TRARG1: variants seen among roughly 807,000 people sequenced by gnomAD.
TRARG1 encodes trafficking regulator of GLUT4 1.
A neutral mutation model predicts 13.3 loss-of-function variants in TRARG1; 16 were observed. That is an observed-to-expected ratio of 1.20 (90% CI 0.81 to 1.83). The LOEUF (loss-of-function observed/expected upper bound fraction) is 1.83, where lower values mean the gene tolerates loss of function less well. Ranked by LOEUF, TRARG1 falls within the 40% of genes most tolerant of loss-of-function variation. TRARG1 has a pLI of 0.00. For synonymous variants in TRARG1, 113 were observed against 106.2 expected (o/e 1.06, Z -0.39); for missense variants, 250 against 237.4 (o/e 1.05, Z -0.35).
intron 2 of TRARG1, among the ~76,000 whole-genome samples, chr17:1,296,913 G>C (rs1312105712): frequency 6.6e-6 from 1 of 152,104 alleles, no homozygotes; most frequent in Admixed American, 6.6e-5. Context: ...CTAAAGTGCT[G>C]GGATGACAGG....
In TRARG1 at chr17:1,282,222, G is replaced by A. The variant is rs565324429; in HGVS notation, c.387+1834G>A. Among the ~76,000 whole-genome samples the A allele has an allele frequency of 2.4e-3, 278 of 115,264 alleles. 2 individuals are homozygous for A. Among genetic ancestry groups the A allele is most frequent in the African/African-American group, 9.3e-3 (258 of 27,606 alleles). 75.6% of individuals were successfully genotyped at this position (115,264 alleles called of 152,430 possible). A position where few individuals can be genotyped will look rare whatever the true frequency, so the allele number is the denominator to read the frequency against. ...CACGTGCGTATATGTACGTATACAC[G>A]TGCGTATATGTACGTATATGCACGT... On this transcript the variant is annotated intron_variant, in intron 1 of 2. Transcript: ENST00000333813.
chr17:1,296,939 C>T (rs1598196250), intron 2 of TRARG1, among the ~76,000 whole-genome samples: 1 of 152,326 alleles, frequency 6.6e-6, no homozygotes, highest in Admixed American at 6.5e-5. Context: ...GCCACCGCGC[C>T]TGGCCCAGGG....
Position 1,295,474 on chromosome 17 carries a change from CTG to C in TRARG1, c.388-14_388-13del. ...AGCCTTCCCGGTTCCCGGGGTCTCTCTGTGCTCTCTCCGCAGTCTCGAAGCAG... is the reference window on the plus strand; with the variant it reads ...AGCCTTCCCGGTTCCCGGGGTCTCTCTGCTCTCTCCGCAGTCTCGAAGCAG... On this transcript the variant is annotated splice_polypyrimidine_tract_variant and intron_variant, in intron 1 of 2. Coordinates refer to ENST00000333813, the MANE Select transcript of TRARG1 (RefSeq NM_172367.3). 1 of 1,592,094 alleles carries C rather than the reference CTG, an allele frequency of 6.3e-7. No individual in the cohort carries two copies. The highest frequency in any genetic ancestry group is 2.3e-5 in the East Asian group (1 of 44,430).
In TRARG1 at chr17:1,279,936, C is replaced by T. The variant is rs889969514; in HGVS notation, c.-66C>T. ...CCTCAGTCTGGGCTGGGGAATGGCG[C>T]GCTGAGGTCCCTCCAGAGCCCCTTG... On this transcript the variant is annotated 5_prime_UTR_variant, in exon 1 of 3. Transcript: ENST00000333813. 3.1e-5 allele frequency: 47 copies of T among 1,526,838 alleles called. No individual in the cohort carries two copies. The African/African-American group carries it at 5.0e-4, about 16-fold the overall frequency. The allele number at this position is 1,526,838 out of a possible 1,614,324, so 94.6% of individuals were successfully genotyped here. A position where few individuals can be genotyped will look rare whatever the true frequency, so the allele number is the denominator to read the frequency against.
chr17:1,295,055 G>A (rs928581445), intron 1 of TRARG1, among the ~76,000 whole-genome samples: 27 of 152,300 alleles, frequency 1.8e-4, no homozygotes, highest in Admixed American at 1.6e-3. Flanking sequence ...GTGTCAGGCT[G>A]TAGGAAGAGC....
intron 1 of TRARG1, among the ~76,000 whole-genome samples, chr17:1,282,834 C>T (rs191703838): frequency 2.0e-5 from 3 of 151,866 alleles, no homozygotes; most frequent in Admixed American, 6.6e-5. Flanking sequence ...GCATTACAGG[C>T]GCTGGCCACC....
At chr17:1,297,815 G>A (rs1267316746) in intron 2 of TRARG1, among the ~76,000 whole-genome samples, 1 of 152,056 alleles carries the variant, frequency 6.6e-6, no homozygotes, top group Non-Finnish European at 1.5e-5. Flanking sequence ...ACGTTGGTCA[G>A]GCTGGCCTCG....
At chr17:1,295,670 G>A (rs775460027) in intron 2 of TRARG1, 47 bp downstream of exon 2, 3 of 1,582,762 alleles carry the variant, frequency 1.9e-6, no homozygotes, top group African/African-American at 2.7e-5. Flanking sequence ...TGCCTGGTGT[G>A]AGGACTGCTC....
At chr17:1,286,708 G>T (rs1384978391) in intron 1 of TRARG1, among the ~76,000 whole-genome samples, 2 of 140,774 alleles carry the variant, frequency 1.4e-5, no homozygotes, top group Non-Finnish European at 3.2e-5. Context: ...TTGTTGGCCT[G>T]TGGGTGTTGT....
At chr17:1,291,260 G>A (rs1018797318) in intron 1 of TRARG1, among the ~76,000 whole-genome samples, 17 of 152,058 alleles carry the variant, frequency 1.1e-4, no homozygotes, top group Admixed American at 8.5e-4. Context: ...ACAGGCACCC[G>A]CCACCGCGCC....
intron 1 of TRARG1, among the ~76,000 whole-genome samples, chr17:1,288,026 A>T (rs570462472): frequency 9.9e-4 from 150 of 151,642 alleles, no homozygotes; most frequent in African/African-American, 3.4e-3. Context: ...TCTAGTCCTG[A>T]CCTCAGCCTC....
At chr17:1,282,349 C>T (rs1020773382) in intron 1 of TRARG1, among the ~76,000 whole-genome samples, 4 of 151,020 alleles carry the variant, frequency 2.6e-5, no homozygotes, top group East Asian at 1.9e-4. Context: ...TGTACATATG[C>T]GTATATATGT....
chr17:1,292,767 G>A (rs778651647), intron 1 of TRARG1, among the ~76,000 whole-genome samples: 1 of 152,154 alleles, frequency 6.6e-6, no homozygotes, highest in South Asian at 2.1e-4. Context: ...GGTATCAAGT[G>A]CCTCTCCTTT....
intron 1 of TRARG1, among the ~76,000 whole-genome samples, chr17:1,293,977 T>C (rs1226629204): frequency 6.6e-6 from 1 of 152,178 alleles, no homozygotes; most frequent in Non-Finnish European, 1.5e-5. Context: ...GCAAGCTGCC[T>C]GGCATGAAGT....
chr17:1,292,979 T>C (rs1423512944), intron 1 of TRARG1, among the ~76,000 whole-genome samples: 1 of 151,874 alleles, frequency 6.6e-6, no homozygotes, highest in East Asian at 1.9e-4. Flanking sequence ...CAGAGACTGG[T>C]GCTGGGGAGA....
chr17:1,288,362 T>A (rs545069812), intron 1 of TRARG1, among the ~76,000 whole-genome samples: 1 of 42,690 alleles, frequency 2.3e-5, no homozygotes, highest in African/African-American at 9.8e-5. Flanking sequence ...CCATCCCCCA[T>A]GGGCTCCCCA....
At chr17:1,294,311 A>G (rs1055942609) in intron 1 of TRARG1, among the ~76,000 whole-genome samples, 5 of 152,060 alleles carry the variant, frequency 3.3e-5, no homozygotes, top group African/African-American at 1.2e-4. Flanking sequence ...GGAGTGATAC[A>G]TAAAACAAGG....
rs1344736629 is a variant in TRARG1, at chr17:1,280,006, C to G, written c.5C>G (p.Ala2Gly). ...CCGCGCAAGGCCCAGGCCCCCATGG[C>G]CCACCCGGTGCAGTCCGAGTTTCCT... M[A>G]HPVQSEFPSA... Residue 2 changes from alanine (A) to glycine (G), a missense_variant, in exon 1 of 3, where the codon GCC becomes GGC. Coordinates refer to ENST00000333813, the MANE Select transcript of TRARG1 (RefSeq NM_172367.3). The G allele has an allele frequency of 3.1e-6, 5 of 1,609,904 alleles. No individual in the cohort carries two copies. The South Asian group carries it at 4.4e-5, about 14-fold the overall frequency.
rs145861235 is a variant in TRARG1, at chr17:1,298,501, C to A, written c.*237C>A. ...CAATGGGTAACGTGGTTTACTCTCCCGGACGCGTCCTGGGATCTCAACCCC... is the reference window on the plus strand; with the variant it reads ...CAATGGGTAACGTGGTTTACTCTCCAGGACGCGTCCTGGGATCTCAACCCC... On this transcript the variant is annotated 3_prime_UTR_variant, in exon 3 of 3. Transcript: ENST00000333813. The A allele has an allele frequency of 5.6e-4, 259 of 459,344 alleles. 3 individuals carry two copies. Among genetic ancestry groups the A allele is most frequent in the African/African-American group, 4.9e-3 (247 of 50,876 alleles). 28.5% of individuals were successfully genotyped at this position (459,344 alleles called of 1,614,324 possible).
Sources: gnomAD v4.1 joint callset for allele counts (sites outside exome capture counted in the v4.1 genomes callset) on GRCh38, gnomAD v4.1.1 for gene constraint, MANE v1.5 for transcripts, NCBI Gene and HGNC (gene_info 2026-07-23, HGNC 2026-07-21) for gene names.